Variants in SLC38A10 observed in about 807,000 individuals in gnomAD.
SLC38A10 encodes the protein Sodium-coupled neutral amino acid transporter 10.
SLC38A10 carries 53 observed loss-of-function variants against 81.0 expected under a neutral mutation model. That is an observed-to-expected ratio of 0.65 (90% CI 0.53 to 0.82). The LOEUF is 0.82. SLC38A10 is among the 40% of genes least tolerant of loss of function. SLC38A10 has a pLI of 0.00. For missense variants in SLC38A10, 1,471 were observed against 1,545.0 expected (o/e 0.95, Z 0.80); for synonymous variants, 665 against 655.3 (o/e 1.01, Z -0.23).
chr17:81,294,899 T>C lies in SLC38A10; in HGVS notation c.23A>G (p.Asn8Ser), dbSNP rs758155994. The C allele has an allele frequency of 1.9e-6, 3 of 1,591,756 alleles. No homozygotes were observed. The highest frequency in any genetic ancestry group is 2.8e-5 in the African/African-American group (2 of 72,414). Residue 8 changes from asparagine to serine, a missense_variant, in exon 1 of 16, where the codon AAC becomes AGC. Asn to Ser is a conservative substitution (Grantham distance 46). Around this residue, in one of 2 missense-constraint regions of SLC38A10, gnomAD observed 720 missense variants for 827.7 expected, o/e 0.87. Transcript: ENST00000374759. MTAAAAS[N>S]WGLITNIVNS... The stretch of plus-strand genomic sequence containing the variant: ...CACGATGTTCGTGATCAGCCCCCAG[T>C]TGGAGGCGGCGGCCGCGGTCATAGT...
rs538140903 is a variant in SLC38A10, at chr17:81,295,039, G to A, written c.-118C>T. On this transcript the variant is annotated 5_prime_UTR_variant, in exon 1 of 16. Transcript: ENST00000374759. The stretch of plus-strand genomic sequence containing the variant: ...TCCCAACGTCCGGGACGCCGGTGGG[G>A]AGGGGATGGGCAGCCTGAACACGGG... 3.5e-5 allele frequency: 48 copies of A among 1,363,848 alleles called. No homozygotes were observed. The highest frequency in any genetic ancestry group is 2.0e-4 in the South Asian group (12 of 61,230). The allele number at this position is 1,363,848 out of a possible 1,614,324, so 84.5% of individuals were successfully genotyped here. A position where few individuals can be genotyped will look rare whatever the true frequency, so the allele number is the denominator to read the frequency against.
chr17:81,258,268 G>C (rs2062990507), intron 11 of SLC38A10, among the ~76,000 whole-genome samples: 2 of 152,146 alleles, frequency 1.3e-5, no homozygotes, highest in African/African-American at 2.4e-5. Flanking sequence ...CAGGACCCTC[G>C]ACCCCAGCTC....
At chr17:81,247,771 G>A (rs1441255911) in intron 14 of SLC38A10, 2 of 151,944 alleles carry the variant, frequency 1.3e-5, no homozygotes, top group East Asian at 2.0e-4. Flanking sequence ...AGCCCAGGAG[G>A]TCGAGGCTGC....
intron 14 of SLC38A10, among the ~76,000 whole-genome samples, chr17:81,248,367 C>A (rs906335221): frequency 3.3e-5 from 5 of 152,202 alleles, no homozygotes; most frequent in African/African-American, 4.8e-5. Context: ...CTGGGCAGGT[C>A]CTGCGTGATG....
chr17:81,256,671 T>A (rs2062975845), intron 11 of SLC38A10, among the ~76,000 whole-genome samples: 1 of 152,248 alleles, frequency 6.6e-6, no homozygotes, highest in Non-Finnish European at 1.5e-5. Context: ...GCCGCTGACG[T>A]GACTTCAAAG....
chr17:81,248,416 G>A (rs981943654), intron 14 of SLC38A10, among the ~76,000 whole-genome samples: 2 of 152,230 alleles, frequency 1.3e-5, no homozygotes, highest in Admixed American at 6.5e-5. Context: ...GCTGGTGCCT[G>A]CAGCAAGGGC....
chr17:81,275,904 G>T, intron 8 of SLC38A10, 65 bp downstream of exon 8: 1 of 1,504,450 alleles, frequency 6.6e-7, no homozygotes, highest in Non-Finnish European at 9.0e-7. Context: ...GGGACAGCTG[G>T]GGGCTTATGG....
chr17:81,247,164 AG>A, intron 14 of SLC38A10, 103 bp from the exon 15 acceptor site: 1 of 1,257,842 alleles, frequency 8.0e-7, no homozygotes, highest in Admixed American at 2.6e-5. Context: ...GGTCACCTGC[AG>A]GGAGTGTGCC....
At chr17:81,261,817 C>A (rs1295134533) in intron 10 of SLC38A10, among the ~76,000 whole-genome samples, 1 of 152,252 alleles carries the variant, frequency 6.6e-6, no homozygotes, top group Non-Finnish European at 1.5e-5. Flanking sequence ...GCAGTAACCA[C>A]AGCTGGCCGG....
At chr17:81,262,591 TC>T (rs1163549706) in intron 10 of SLC38A10, among the ~76,000 whole-genome samples, 2 of 152,198 alleles carry the variant, frequency 1.3e-5, no homozygotes, top group Non-Finnish European at 2.9e-5. Flanking sequence ...TACTTGGACT[TC>T]CCATAACACC....
At chr17:81,251,126 T>A in intron 14 of SLC38A10, 1 of 1,512,066 alleles carries the variant, frequency 6.6e-7, no homozygotes, top group Non-Finnish European at 8.8e-7. Flanking sequence ...CCTGGCTGGC[T>A]TTAAATACTC....
Position 81,283,582 on chromosome 17 carries a change from A to C in SLC38A10, c.264-80T>G. On this transcript the variant is annotated intron_variant, in intron 3 of 15. Coordinates refer to ENST00000374759, the MANE Select transcript of SLC38A10 (RefSeq NM_001037984.3). The surrounding 1 kb of genome is among the most constrained non-coding windows in gnomAD (Gnocchi z 4.7). ...TGGGCTGCCGCCAGGGACTACCCCA[A>C]GGCTGGGCTGAATGACAGATGTGAT... is the stretch of plus-strand genomic sequence containing the variant. The C allele has an allele frequency of 9.9e-7, 1 of 1,009,600 alleles. No homozygotes were observed. The highest frequency in any genetic ancestry group is 2.6e-5 in the East Asian group (1 of 38,160). 62.5% of individuals were successfully genotyped at this position (1,009,600 alleles called of 1,614,324 possible).
intron 11 of SLC38A10, among the ~76,000 whole-genome samples, chr17:81,258,810 A>C (rs558609157): frequency 6.6e-6 from 1 of 152,188 alleles, no homozygotes; most frequent in Admixed American, 6.5e-5. Context: ...TTCCAGTCCG[A>C]ATTACCAAAT....
chr17:81,252,981 A>G (rs1355348619), intron 12 of SLC38A10, 92 bp downstream of exon 12: 1 of 1,464,666 alleles, frequency 6.8e-7, no homozygotes, highest in Non-Finnish European at 9.3e-7. Flanking sequence ...AGATACACAC[A>G]GCCCTGAGAG....
At chr17:81,258,774 C>T (rs2062994962) in intron 11 of SLC38A10, among the ~76,000 whole-genome samples, 1 of 152,204 alleles carries the variant, frequency 6.6e-6, no homozygotes, top group African/African-American at 2.4e-5. Context: ...AGCAAAACAC[C>T]CACCTCCCTC....
chr17:81,272,710 GCCAGGCACA>G, intron 8 of SLC38A10, 83 bp from the exon 9 acceptor site: 1 of 992,034 alleles, frequency 1.0e-6, no homozygotes, highest in Non-Finnish European at 1.4e-6. Flanking sequence ...AAAGGGCTCT[GCCAGGCACA>G]CCAGGCACAT....
At chr17:81,290,012 A>G (rs927883439) in intron 1 of SLC38A10, among the ~76,000 whole-genome samples, 3 of 152,172 alleles carry the variant, frequency 2.0e-5, no homozygotes, top group Non-Finnish European at 4.4e-5. Context: ...ATGAAGCTGT[A>G]TGCGCAGAGC....
At chr17:81,251,918 C>CGCCGCCCCCCGT (rs977245970) in intron 13 of SLC38A10, 1 of 530,008 alleles carries the variant, frequency 1.9e-6, no homozygotes, top group Non-Finnish European at 3.1e-6. Context: ...GCGCCCCCCG[C>CGCCGCCCCCCGT]GCCGCCCCCC....
chr17:81,287,579 C>T (rs1172939385), intron 2 of SLC38A10, among the ~76,000 whole-genome samples: 1 of 152,262 alleles, frequency 6.6e-6, no homozygotes, highest in Non-Finnish European at 1.5e-5. Context: ...GTGTCAAAGG[C>T]ATAACCTGAG....
Sources: allele counts gnomAD v4.1 joint callset (sites outside exome capture counted in the v4.1 genomes callset), GRCh38; gene constraint gnomAD v4.1.1; regional missense constraint gnomAD v4.1.1; non-coding constraint Gnocchi (gnomAD v3.1); transcripts MANE v1.5; gene names NCBI Gene and HGNC (gene_info 2026-07-23, HGNC 2026-07-21).